UBE2U: variants seen among roughly 807,000 people sequenced by gnomAD.
UBE2U encodes ubiquitin-conjugating enzyme E2 U.
A neutral mutation model predicts 41.2 loss-of-function variants in UBE2U; 39 were observed. The observed-to-expected ratio is 0.95, with a 90% confidence interval of 0.73 to 1.24. The LOEUF (loss-of-function observed/expected upper bound fraction) is 1.24. Among genes scored for constraint, UBE2U ranks in the 50% most tolerant of loss-of-function variants. The probability of loss-of-function intolerance (pLI) is 0.00; values close to 1 mark genes in which losing one functional copy is unlikely to be tolerated. For synonymous variants in UBE2U, 107 were observed against 117.8 expected (o/e 0.91, Z 0.60); for missense variants, 336 against 363.1 (o/e 0.93, Z 0.61).
At chr1:64,231,917 G>GA (rs1322027656) in intron 6 of UBE2U, among the ~76,000 whole-genome samples, 1 of 152,154 alleles carries the variant, frequency 6.6e-6, no homozygotes, top group African/African-American at 2.4e-5. Flanking sequence ...CAAGTTTGTG[G>GA]AAAAATGCCT....
intron 6 of UBE2U, among the ~76,000 whole-genome samples, chr1:64,224,722 C>CAAA (rs5774690): frequency 7.5e-6 from 1 of 133,200 alleles, no homozygotes; most frequent in Non-Finnish European, 1.6e-5. Flanking sequence ...GACTCTGTGT[C>CAAA]AAAAAAAAAA....
rs571492842 is a variant in UBE2U, at chr1:64,211,624, A to G, written c.339+785A>G. Reference sequence around the variant, plus strand: ...ATGGCTAATTTTTTAAATTTTCTGTAGAGACGGGGTCTCACTATGTTGCTC... The same window carrying G: ...ATGGCTAATTTTTTAAATTTTCTGTGGAGACGGGGTCTCACTATGTTGCTC... On this transcript the variant is annotated intron_variant, in intron 4 of 9. Transcript: ENST00000371077. Among the ~76,000 whole-genome samples the G allele has an allele frequency of 3.3e-5, 5 of 152,056 alleles. No homozygotes were observed. In the East Asian group the frequency reaches 9.7e-4, roughly 29 times the overall value.
At chr1:64,265,739 C>T (rs544581076) in intron 9 of UBE2U, among the ~76,000 whole-genome samples, 191 of 152,192 alleles carry the variant, frequency 1.3e-3, no homozygotes, top group African/African-American at 4.3e-3. Context: ...CCACCACACC[C>T]GGCTAATTTT....
intron 7 of UBE2U, among the ~76,000 whole-genome samples, chr1:64,235,828 A>C (rs1644657127): frequency 6.6e-6 from 1 of 152,134 alleles, no homozygotes; most frequent in South Asian, 2.1e-4. Flanking sequence ...ATCTCAATCT[A>C]TCATTCTTTT....
intron 8 of UBE2U, among the ~76,000 whole-genome samples, chr1:64,258,646 T>C (rs1645134657): frequency 6.6e-6 from 1 of 152,230 alleles, no homozygotes; most frequent in Non-Finnish European, 1.5e-5. Flanking sequence ...GCAAAGGACA[T>C]GAACTCATCC....
At chr1:64,228,039 G>C (rs1374050785) in intron 6 of UBE2U, among the ~76,000 whole-genome samples, 1 of 152,040 alleles carries the variant, frequency 6.6e-6, no homozygotes, top group Non-Finnish European at 1.5e-5. Flanking sequence ...AATCTTAGCA[G>C]TTGTTTTTTT....
Position 64,218,117 on chromosome 1 carries a change from G to A in UBE2U, c.458-2742G>A, listed in dbSNP as rs532102250. On this transcript the variant is annotated intron_variant, in intron 5 of 9. Transcript: ENST00000371077. Reference sequence around the variant, plus strand: ...TTCCCCTGAGAAATATACTTTGTGGGTGTCGGGGGAACACAAAATTTAGTC... The same window carrying A: ...TTCCCCTGAGAAATATACTTTGTGGATGTCGGGGGAACACAAAATTTAGTC... Among the ~76,000 whole-genome samples the A allele has an allele frequency of 2.3e-4, 35 of 152,228 alleles. No homozygotes were observed. In the South Asian group the frequency reaches 5.0e-3, roughly 22 times the overall value.
chr1:64,225,231 T>G (rs1457298217), intron 6 of UBE2U, among the ~76,000 whole-genome samples: 1 of 152,132 alleles, frequency 6.6e-6, no homozygotes, highest in Non-Finnish European at 1.5e-5. Flanking sequence ...AATCAAGATT[T>G]GTGAAATTGA....
chr1:64,254,045 C>T (rs993336034), intron 8 of UBE2U, among the ~76,000 whole-genome samples: 4 of 152,010 alleles, frequency 2.6e-5, no homozygotes, highest in Non-Finnish European at 4.4e-5. Context: ...TACACATAGG[C>T]TCAAAATAAA....
intron 5 of UBE2U, among the ~76,000 whole-genome samples, chr1:64,219,411 C>A (rs1029255918): frequency 6.6e-6 from 1 of 151,966 alleles, no homozygotes; most frequent in African/African-American, 2.4e-5. Flanking sequence ...CCCTTCCCTG[C>A]CTCCACATTA....
At chr1:64,239,163 G>GAAGA (rs1553169031) in intron 7 of UBE2U, among the ~76,000 whole-genome samples, 1 of 72,970 alleles carries the variant, frequency 1.4e-5, no homozygotes, top group Non-Finnish European at 2.7e-5. Flanking sequence ...GAAGAAAGAA[G>GAAGA]AAGAAGAAGA....
intron 6 of UBE2U, among the ~76,000 whole-genome samples, chr1:64,224,180 G>A (rs1652692833): frequency 6.6e-6 from 1 of 152,090 alleles, no homozygotes; most frequent in Non-Finnish European, 1.5e-5. Context: ...TGTAACTTTT[G>A]CATTTCATAT....
At position 64,267,139 on chromosome 1, in the gene UBE2U, C is replaced by T. The variant is rs1479779925; in HGVS notation, c.885C>T (p.Pro295=). ...TSLYENDTDE[P]REEEVEDLIS... ...TATATGAAAATGACACAGATGAGCC[C>T]AGGGAAGAGGAAGTGGAAGATCTGA... Residue 295 remains proline (P), a synonymous_variant, in exon 10 of 10, where the codon CCC becomes CCT. Coordinates refer to ENST00000371077, the MANE Select transcript of UBE2U (RefSeq NM_001366232.2). 2 of 1,549,732 alleles carry T rather than the reference C, an allele frequency of 1.3e-6. No individual in the cohort carries two copies. The highest frequency in any genetic ancestry group is 1.7e-6 in the Non-Finnish European group (2 of 1,146,802).
intron 7 of UBE2U, among the ~76,000 whole-genome samples, chr1:64,239,167 A>AG (rs1644776549): frequency 1.1e-5 from 1 of 88,414 alleles, no homozygotes; most frequent in South Asian, 4.5e-4. Context: ...AAAGAAGAAG[A>AG]AGAAGAAGAA....
intron 9 of UBE2U, 86 bp from the exon 10 acceptor site, chr1:64,266,936 TTA>T (rs1377625254): frequency 1.4e-5 from 18 of 1,246,268 alleles, no homozygotes; most frequent in Non-Finnish European, 1.7e-5. Context: ...GTCTTTGGCA[TTA>T]TCCTACAAAT....
chr1:64,257,222 A>G (rs1645107477), intron 8 of UBE2U, among the ~76,000 whole-genome samples: 1 of 152,200 alleles, frequency 6.6e-6, no homozygotes, highest in South Asian at 2.1e-4. Context: ...AAAGACCTAG[A>G]GGCAGAAATA....
At chr1:64,228,164 G>A (rs1265659512) in intron 6 of UBE2U, among the ~76,000 whole-genome samples, 1 of 152,144 alleles carries the variant, frequency 6.6e-6, no homozygotes, top group Non-Finnish European at 1.5e-5. Flanking sequence ...ATATTAAGAT[G>A]TACTAGAAAA....
intron 8 of UBE2U, among the ~76,000 whole-genome samples, chr1:64,245,436 A>T (rs938366799): frequency 6.6e-6 from 1 of 152,240 alleles, no homozygotes; most frequent in Non-Finnish European, 1.5e-5. Context: ...AAAAATCTTT[A>T]TCAGTATTCT....
intron 5 of UBE2U, among the ~76,000 whole-genome samples, chr1:64,218,302 G>A (rs1181196075): frequency 6.6e-6 from 1 of 152,042 alleles, no homozygotes; most frequent in Non-Finnish European, 1.5e-5. Context: ...GTAGAGTGTG[G>A]ATCTATTTGC....
Sources: allele counts gnomAD v4.1 joint callset (sites outside exome capture counted in the v4.1 genomes callset), GRCh38; gene constraint gnomAD v4.1.1; transcripts MANE v1.5; gene names NCBI Gene and HGNC (gene_info 2026-07-23, HGNC 2026-07-21).